Variants in FHL1 observed in about 807,000 individuals in gnomAD.
The protein encoded by FHL1 is four and a half LIM domains 1.
A neutral mutation model predicts 20.3 loss-of-function variants in FHL1; 1 was observed. The observed-to-expected ratio is 0.05, with a 90% CI of 0.02 to 0.23. The LOEUF (loss-of-function observed/expected upper bound fraction) is 0.23, where lower values mean the gene tolerates loss of function less well. FHL1 is among the 10% of genes least tolerant of loss of function. The pLI is 1.00. For missense variants in FHL1, 177 were observed against 234.0 expected (o/e 0.76, Z 1.59); for synonymous variants, 82 against 88.9 (o/e 0.92, Z 0.44).
intron 2 of FHL1, among the ~76,000 whole-genome samples, chrX:136,172,510 T>C (rs182982721): frequency 4.4e-4 from 49 of 112,289 alleles, no homozygotes; most frequent in African/African-American, 1.6e-3. Context: ...ATCTCTACTC[T>C]ATTCTTTGAG....
At chrX:136,170,882 G>T (rs2072847700) in intron 2 of FHL1, among the ~76,000 whole-genome samples, 1 of 111,655 alleles carries the variant, frequency 9.0e-6, no homozygotes, top group African/African-American at 3.3e-5. Context: ...CACATGGTCA[G>T]TGTAGGTACT....
In FHL1 at chrX:136,183,645, A is replaced by T. The variant is rs189591021; in HGVS notation, c.-27+13665A>T. 3.7e-3 allele frequency among the ~76,000 whole-genome samples: 421 copies of T among 112,571 alleles called. 1 individual carries two copies. Among genetic ancestry groups the T allele is most frequent in the Non-Finnish European group, 6.0e-3 (319 of 53,261 alleles). On this transcript the variant is annotated intron_variant, in intron 2 of 6. Coordinates refer to the FHL1 transcript ENST00000394153. ...ATACTTTATATTCTGCAGTTCATAC[A>T]TGCAGTACCACCCTTAATTAAATGA...
At chrX:136,183,124 CAAA>C (rs55708453) in intron 2 of FHL1, among the ~76,000 whole-genome samples, 1 of 103,044 alleles carries the variant, frequency 9.7e-6, no homozygotes, top group Admixed American at 1.1e-4. Flanking sequence ...AACAAACAAA[CAAA>C]AAAAAAACAG....
chrX:136,165,640 C>T (rs2072691519), upstream of FHL1, among the ~76,000 whole-genome samples: 1 of 112,019 alleles, frequency 8.9e-6, no homozygotes, highest in Non-Finnish European at 1.9e-5. Context: ...GACAATGAGT[C>T]TGTGGGGGAT....
upstream of FHL1, among the ~76,000 whole-genome samples, chrX:136,165,084 G>A (rs956267689): frequency 4.5e-5 from 5 of 111,632 alleles, no homozygotes; most frequent in Non-Finnish European, 9.4e-5. Flanking sequence ...AGTATATAGA[G>A]GATATCACCA....
At chrX:136,208,340 T>G in intron 4 of FHL1, 115 bp from the exon 5 acceptor site, 12 of 782,247 alleles carry the variant, frequency 1.5e-5, no homozygotes, top group Admixed American at 2.2e-5. Flanking sequence ...ATGGCTGTTG[T>G]GGAGATTAAA....
intron 2 of FHL1, among the ~76,000 whole-genome samples, chrX:136,181,131 G>A (rs923117511): frequency 4.5e-5 from 5 of 112,224 alleles, no homozygotes; most frequent in African/African-American, 9.7e-5. Context: ...TCAAAGTCGG[G>A]GTAGTATTTC....
intron 5 of FHL1, chrX:136,209,461 A>G: frequency 8.3e-7 from 1 of 1,206,635 alleles, no homozygotes; most frequent in Non-Finnish European, 1.1e-6. Flanking sequence ...ACACCCCACG[A>G]ACAGCCCAAG....
upstream of FHL1, among the ~76,000 whole-genome samples, chrX:136,193,839 C>G (rs1281680828): frequency 9.1e-6 from 1 of 110,443 alleles, no homozygotes; most frequent in Non-Finnish European, 1.9e-5. Context: ...GCTTGCATGA[C>G]TCCATCTCAT....
intron 2 of FHL1, among the ~76,000 whole-genome samples, chrX:136,179,189 T>C (rs967996726): frequency 1.8e-5 from 2 of 112,137 alleles, no homozygotes; most frequent in Non-Finnish European, 3.8e-5. Context: ...TACATAATTG[T>C]CAGCGTGCAC....
chrX:136,194,515 G>A (rs932365183), upstream of FHL1, among the ~76,000 whole-genome samples: 26 of 111,296 alleles, frequency 2.3e-4, no homozygotes, highest in African/African-American at 7.5e-4. Context: ...TGAAAAAAGC[G>A]TCCGGATACT....
At chrX:136,146,753 C>T (rs767214773), upstream of FHL1, 1 of 327,843 alleles carries the variant, frequency 3.1e-6, no homozygotes, top group Non-Finnish European at 5.9e-6. Flanking sequence ...TGGCACATGG[C>T]GAGGGCTCAG....
intron 1 of FHL1, chrX:136,147,869 G>C (rs937021143): frequency 2.8e-5 from 3 of 106,592 alleles, no homozygotes; most frequent in African/African-American, 1.0e-4. Flanking sequence ...CGAGTGCGAG[G>C]TCCCCCCTGG....
chrX:136,169,090 A>T (rs779772636), upstream of FHL1, among the ~76,000 whole-genome samples: 3 of 111,535 alleles, frequency 2.7e-5, no homozygotes, highest in African/African-American at 9.8e-5. Context: ...TTTGGTGTGA[A>T]TTCTAGGATT....
intron 1 of FHL1, among the ~76,000 whole-genome samples, chrX:136,159,017 G>T (rs549788851): frequency 1.8e-5 from 2 of 109,971 alleles, no homozygotes; most frequent in East Asian, 5.7e-4. Context: ...CCCATCAATT[G>T]GGACAAATGT....
chrX:136,148,611 TTCCTC>T (rs2072176210), intron 1 of FHL1: 1 of 111,668 alleles, frequency 9.0e-6, no homozygotes, highest in Non-Finnish European at 1.9e-5. Flanking sequence ...TTCTCTTCCT[TTCCTC>T]TCTGCTCTTA....
At chrX:136,156,521 A>G (rs1434741278) in intron 1 of FHL1, among the ~76,000 whole-genome samples, 2 of 111,275 alleles carry the variant, frequency 1.8e-5, no homozygotes, top group East Asian at 5.6e-4. Flanking sequence ...ACATCAGGTG[A>G]TCCGCCCTCC....
intron 2 of FHL1, among the ~76,000 whole-genome samples, chrX:136,172,820 C>T (rs1409703785): frequency 8.9e-6 from 1 of 112,140 alleles, no homozygotes; most frequent in East Asian, 2.8e-4. Context: ...GCAATCTGTA[C>T]CTCCCAGGTT....
At chrX:136,161,824 A>G (rs942725468) in intron 1 of FHL1, among the ~76,000 whole-genome samples, 3 of 112,233 alleles carry the variant, frequency 2.7e-5, no homozygotes, top group African/African-American at 9.7e-5. Flanking sequence ...GCCTTAAAAC[A>G]ACAGTGATCT....
Sources: allele counts gnomAD v4.1 joint callset (sites outside exome capture counted in the v4.1 genomes callset), GRCh38; gene constraint gnomAD v4.1.1; transcripts MANE v1.5; gene names NCBI Gene and HGNC (gene_info 2026-07-23, HGNC 2026-07-21).